Variants in CDS2 observed in about 807,000 individuals in gnomAD.
CDS2 encodes the protein CDP-diacylglycerol synthase 2.
CDS2 carries 47 observed loss-of-function variants against 59.0 expected under a neutral mutation model. The ratio of observed to expected loss-of-function variants is 0.80; its 90% CI spans 0.63 to 1.02. The LOEUF (loss-of-function observed/expected upper bound fraction) is 1.02, where lower values mean the gene tolerates loss of function less well. Ranked by LOEUF, CDS2 falls within the 50% of genes least tolerant of loss-of-function variation. The pLI is 0.00. For synonymous variants in CDS2, 207 were observed against 206.4 expected (o/e 1.00, Z -0.02); for missense variants, 356 against 558.9 (o/e 0.64, Z 3.66).
Position 5,127,442 on chromosome 20 carries a change from G to A in CDS2, c.57+293G>A, listed in dbSNP as rs530324676. On this transcript the variant is annotated intron_variant, in intron 1 of 12. Transcript: ENST00000460006. ...TCCTGCCTCGCTGGGCTGGCTGCGG[G>A]GACTCCCCTCTCCCCCAACTCCGTG... Among the ~76,000 whole-genome samples, 25 of 152,328 alleles carry A rather than the reference G, an allele frequency of 1.6e-4. 1 individual carries two copies. The East Asian group carries it at 4.6e-3, about 28-fold the overall frequency.
chr20:5,136,454 G>A (rs777414762), intron 1 of CDS2, among the ~76,000 whole-genome samples: 1 of 152,174 alleles, frequency 6.6e-6, no homozygotes, highest in Non-Finnish European at 1.5e-5. Context: ...TGCTCTTGGA[G>A]ACTTCAACAT....
intron 1 of CDS2, among the ~76,000 whole-genome samples, chr20:5,157,509 C>T (rs1396623597): frequency 2.6e-5 from 4 of 152,128 alleles, no homozygotes; most frequent in Admixed American, 2.0e-4. Flanking sequence ...GAAAGAGAGG[C>T]CATGTCTCAG....
At position 5,190,241 on chromosome 20, in the gene CDS2, C is replaced by G. The variant is rs749858431; in HGVS notation, c.*7C>G. ...CACCACAGAGGACGAGTAGGGGCCA[C>G]CCAGGGCCAGGAGAACAGGAACAGA... On this transcript the variant is annotated 3_prime_UTR_variant, in exon 13 of 13. Transcript: ENST00000460006. 5 of 1,612,570 alleles carry G rather than the reference C, an allele frequency of 3.1e-6. No individual in the cohort carries two copies. The highest frequency in any genetic ancestry group is 4.2e-6 in the Non-Finnish European group (5 of 1,179,194).
intron 3 of CDS2, among the ~76,000 whole-genome samples, chr20:5,175,851 C>A (rs1341976786): frequency 6.6e-6 from 1 of 152,144 alleles, no homozygotes; most frequent in African/African-American, 2.4e-5. Flanking sequence ...TTACCCTGGG[C>A]ATGTCTCTAT....
At position 5,136,888 on chromosome 20, in the gene CDS2, C is replaced by G. The variant is rs113776743; in HGVS notation, c.57+9739C>G. On this transcript the variant is annotated intron_variant, in intron 1 of 12. Coordinates refer to ENST00000460006, the MANE Select transcript of CDS2 (RefSeq NM_003818.4). ...GTTTGGTGTACAAATGATTTTGTCA[C>G]CTAGGTAGTGAGCATAGTACTAGAT... 5.6e-3 allele frequency among the ~76,000 whole-genome samples: 859 copies of G among 152,154 alleles called. 9 individuals are homozygous for G. Among genetic ancestry groups the G allele is most frequent in the African/African-American group, 0.02 (821 of 41,512 alleles).
At position 5,161,180 on chromosome 20, in the gene CDS2, G is replaced by A. The variant is rs142595541; in HGVS notation, c.58-12343G>A. On this transcript the variant is annotated intron_variant, in intron 1 of 12. Coordinates refer to ENST00000460006, the MANE Select transcript of CDS2 (RefSeq NM_003818.4). ...TTACATTCTGACCAACAGTGCACAA[G>A]GGTTTCAGTTTTTTCACATCTTCTC... 5.6e-4 allele frequency among the ~76,000 whole-genome samples: 85 copies of A among 152,276 alleles called. No homozygotes were observed. In the East Asian group the frequency reaches 0.015, roughly 26 times the overall value.
intron 2 of CDS2, among the ~76,000 whole-genome samples, chr20:5,174,142 A>G (rs2090976724): frequency 1.3e-5 from 2 of 152,352 alleles, no homozygotes; most frequent in South Asian, 4.1e-4. Flanking sequence ...AGGTGAATCT[A>G]GTGTTAAAAC....
chr20:5,180,220 G>A (rs1205501122), intron 5 of CDS2, among the ~76,000 whole-genome samples: 1 of 152,032 alleles, frequency 6.6e-6, no homozygotes, highest in Non-Finnish European at 1.5e-5. Flanking sequence ...CTGTGAGAGA[G>A]ATAAAAAGGT....
In CDS2 at chr20:5,190,362, G is replaced by T. The variant is rs554896558; in HGVS notation, c.*128G>T. On this transcript the variant is annotated 3_prime_UTR_variant, in exon 13 of 13. Coordinates refer to ENST00000460006, the MANE Select transcript of CDS2 (RefSeq NM_003818.4). ...CTGTCTTTTTTTTTTTTTTTTGGAGGGTATTTTTTATTTGTGGGTTCAAAA... is the reference window on the plus strand; with the variant it reads ...CTGTCTTTTTTTTTTTTTTTTGGAGTGTATTTTTTATTTGTGGGTTCAAAA... 2 of 887,374 alleles carry T rather than the reference G, an allele frequency of 2.3e-6. No homozygotes were observed. Among genetic ancestry groups the T allele is most frequent in the Non-Finnish European group, 3.3e-6 (2 of 606,506 alleles). 55.0% of individuals were successfully genotyped at this position (887,374 alleles called of 1,614,324 possible).
At chr20:5,161,697 A>G (rs983997552) in intron 1 of CDS2, among the ~76,000 whole-genome samples, 1 of 152,222 alleles carries the variant, frequency 6.6e-6, no homozygotes, top group African/African-American at 2.4e-5. Flanking sequence ...TTTCCTTGTT[A>G]GGGACATAAA....
At chr20:5,157,201 C>T (rs1219846834) in intron 1 of CDS2, among the ~76,000 whole-genome samples, 1 of 152,120 alleles carries the variant, frequency 6.6e-6, no homozygotes, top group Non-Finnish European at 1.5e-5. Flanking sequence ...GCTTGACAGT[C>T]AGCAGTTAAT....
chr20:5,136,153 A>G (rs907346920), intron 1 of CDS2, among the ~76,000 whole-genome samples: 1 of 152,136 alleles, frequency 6.6e-6, no homozygotes, highest in South Asian at 2.1e-4. Context: ...TCTCAGAGCC[A>G]TATCTCCACA....
chr20:5,167,077 A>G (rs376638835), intron 1 of CDS2, among the ~76,000 whole-genome samples: 1 of 151,852 alleles, frequency 6.6e-6, no homozygotes, highest in East Asian at 1.9e-4. Context: ...CACATGGCTG[A>G]CTCCGAGTGT....
intron 11 of CDS2, 63 bp downstream of exon 11, chr20:5,189,249 C>G (rs917756359): frequency 6.3e-7 from 1 of 1,593,964 alleles, no homozygotes; most frequent in Non-Finnish European, 8.6e-7. Context: ...CCTTTCTCCC[C>G]CTTCCCTGCC....
chr20:5,166,315 A>T (rs758784539), intron 1 of CDS2, among the ~76,000 whole-genome samples: 4 of 152,202 alleles, frequency 2.6e-5, no homozygotes, highest in Non-Finnish European at 4.4e-5. Flanking sequence ...TGTTCTCTTG[A>T]AAATTCGGGG....
At chr20:5,156,452 G>A (rs1287409637) in intron 1 of CDS2, among the ~76,000 whole-genome samples, 5 of 152,120 alleles carry the variant, frequency 3.3e-5, no homozygotes, top group African/African-American at 7.2e-5. Context: ...GACATAACTC[G>A]TGTTATGGGA....
chr20:5,151,707 G>A (rs912596648), intron 1 of CDS2, among the ~76,000 whole-genome samples: 8 of 150,310 alleles, frequency 5.3e-5, no homozygotes, highest in Admixed American at 1.3e-4. Context: ...CAAAGTGCTG[G>A]GATTTTAGGC....
chr20:5,146,079 T>C (rs58181569), intron 1 of CDS2, among the ~76,000 whole-genome samples: 2,407 of 152,246 alleles, frequency 0.016, 67 homozygotes, highest in African/African-American at 0.054. Context: ...CACCTTGGCC[T>C]CTCAAAATGT....
chr20:5,135,639 G>A (rs189925240), intron 1 of CDS2, among the ~76,000 whole-genome samples: 304 of 152,074 alleles, frequency 2.0e-3, no homozygotes, highest in Non-Finnish European at 3.3e-3. Context: ...CCACCCCCAC[G>A]TATGGTCCCC....
Sources: gnomAD v4.1 joint callset for allele counts (sites outside exome capture counted in the v4.1 genomes callset) on GRCh38, gnomAD v4.1.1 for gene constraint, MANE v1.5 for transcripts, NCBI Gene and HGNC (gene_info 2026-07-23, HGNC 2026-07-21) for gene names.